PCDHGA1: variants seen among roughly 807,000 people sequenced by gnomAD.
The protein encoded by PCDHGA1 is protocadherin gamma-A1.
Under a neutral mutation model 58.0 loss-of-function variants are expected in PCDHGA1, and 32 were observed. The observed-to-expected ratio is 0.55, with a 90% CI of 0.42 to 0.74. PCDHGA1 has a LOEUF of 0.74. Ranked by LOEUF, PCDHGA1 falls within the 30% of genes least tolerant of loss-of-function variation. The pLI, the probability that PCDHGA1 is intolerant of heterozygous loss-of-function variation, is 0.00. For synonymous variants in PCDHGA1, 498 were observed against 501.1 expected, an observed-to-expected ratio of 0.99 and a Z score of 0.08; for missense variants, 1,205 against 1,182.3, an observed-to-expected ratio of 1.02 and a Z score of -0.28.
At chr5:141,479,063 A>G (rs1476826751) in intron 1 of PCDHGA1, among the ~76,000 whole-genome samples, 1 of 152,204 alleles carries the variant, frequency 6.6e-6, no homozygotes, top group African/African-American at 2.4e-5. Context: ...ATAATTTTTT[A>G]TGAATGAAAT....
intron 1 of PCDHGA1, chr5:141,371,970 C>A: frequency 6.2e-7 from 1 of 1,613,250 alleles, no homozygotes; most frequent in Non-Finnish European, 8.5e-7. Context: ...CGAGCAGCTG[C>A]GTGCCTTCGA....
At chr5:141,403,420 A>G in intron 1 of PCDHGA1, 1 of 1,614,050 alleles carries the variant, frequency 6.2e-7, no homozygotes, top group African/African-American at 1.3e-5. Flanking sequence ...CACTTCCAGA[A>G]GCTATTGATC....
At chr5:141,345,599 C>T (rs1364099035) in intron 1 of PCDHGA1, 1 of 1,614,080 alleles carries the variant, frequency 6.2e-7, no homozygotes, top group Non-Finnish European at 8.5e-7. Flanking sequence ...CCTTCGACTA[C>T]GAGCAATTTA....
chr5:141,501,425 G>A (rs1444899306), intron 2 of PCDHGA1, among the ~76,000 whole-genome samples: 1 of 151,726 alleles, frequency 6.6e-6, no homozygotes, highest in Non-Finnish European at 1.5e-5. Flanking sequence ...TTGACTAAAT[G>A]TAGTCCATTT....
At chr5:141,344,963 G>A in intron 1 of PCDHGA1, 1 of 1,613,706 alleles carries the variant, frequency 6.2e-7, no homozygotes, top group Non-Finnish European at 8.5e-7. Flanking sequence ...TAGATTATGA[G>A]GATGCCATGT....
In PCDHGA1 at chr5:141,340,109, G is replaced by T. The variant is rs149474643; in HGVS notation, c.2421+7004G>T. 34 of 1,613,938 alleles carry T rather than the reference G, an allele frequency of 2.1e-5. No individual in the cohort carries two copies. The South Asian group carries it at 3.4e-4, about 16-fold the overall frequency. ...ACATGATAGAGACTCTGGGCAGAAC[G>T]CATTCACCACCTGTTCACTCCCCGA... On this transcript the variant is annotated intron_variant, in intron 1 of 3. Transcript: ENST00000517417.
At chr5:141,385,142 C>T (rs1420566063) in intron 1 of PCDHGA1, 2 of 1,614,210 alleles carry the variant, frequency 1.2e-6, no homozygotes, top group Non-Finnish European at 1.7e-6. Flanking sequence ...GGGGTGCAGG[C>T]TTTCCTGCAG....
chr5:141,414,533 C>T, intron 1 of PCDHGA1: 1 of 1,613,960 alleles, frequency 6.2e-7, no homozygotes, highest in Non-Finnish European at 8.5e-7. Flanking sequence ...AATGACAACC[C>T]ACCTACCTTC....
At chr5:141,361,594 G>A in intron 1 of PCDHGA1, 1 of 1,614,056 alleles carries the variant, frequency 6.2e-7, no homozygotes, top group East Asian at 2.2e-5. Flanking sequence ...CAGTGGCCAA[G>A]TTTCCTACTC....
chr5:141,418,848 G>T (rs770294020), intron 1 of PCDHGA1: 1 of 1,613,954 alleles, frequency 6.2e-7, no homozygotes, highest in Non-Finnish European at 8.5e-7. Flanking sequence ...CTCTCAACAC[G>T]GTGTAAAGTA....
Position 141,332,367 on chromosome 5 carries a change from G to C in PCDHGA1, c.1683G>C (p.Glu561Asp). 6.2e-7 allele frequency: 1 copy of C among 1,614,210 alleles called. No homozygotes were observed. Among genetic ancestry groups the C allele is most frequent in the Middle Eastern group, 1.6e-4 (1 of 6,062 alleles). Residue 561 changes from glutamate (E) to aspartate (D), a missense_variant, in exon 1 of 4, where the codon GAG becomes GAC. By Grantham distance (45) the Glu-to-Asp change is conservative. Coordinates refer to ENST00000517417, the MANE Select transcript of PCDHGA1 (RefSeq NM_018912.3). This position sits in a 1 kb window ranked among gnomAD's most constrained non-coding sequence, Gnocchi z 4.6. ...TGGACCAGAACGACAACGCGCCCGAGATCCTGTACCCCGCCCTCCCCACAG... is the reference window on the plus strand; with the variant it reads ...TGGACCAGAACGACAACGCGCCCGACATCCTGTACCCCGCCCTCCCCACAG... ...FLLDQNDNAP[E>D]ILYPALPTDG...
intron 1 of PCDHGA1, 106 bp from the exon 2 acceptor site, chr5:141,494,701 C>T: frequency 6.3e-7 from 1 of 1,594,596 alleles, no homozygotes; most frequent in Admixed American, 1.7e-5. Flanking sequence ...CCGTTTTCTT[C>T]TCTGTGCCCA....
In PCDHGA1 at chr5:141,487,519, T is replaced by C. The variant is rs1288070159; in HGVS notation, c.2422-7288T>C. The C allele has an allele frequency of 6.2e-7, 1 of 1,614,046 alleles. No individual in the cohort carries two copies. ...CCTTGGCTTCTGCACCCACTCGGAG[T>C]GATAGCTTCATGATGGTGAAGTCAC... On this transcript the variant is annotated intron_variant, in intron 1 of 3. Transcript: ENST00000517417. The surrounding 1 kb of genome is among the most constrained non-coding windows in gnomAD (Gnocchi z 5.0).
At chr5:141,421,474 G>T (rs1320526226) in intron 1 of PCDHGA1, 3 of 1,614,014 alleles carry the variant, frequency 1.9e-6, no homozygotes, top group African/African-American at 2.7e-5. Flanking sequence ...TCCGCGAAGC[G>T]GCAGCTTGAT....
chr5:141,345,383 C>A (rs763946038), intron 1 of PCDHGA1: 7 of 1,614,114 alleles, frequency 4.3e-6, no homozygotes, highest in Non-Finnish European at 5.1e-6. Flanking sequence ...ACAACCCACC[C>A]ACCTTCCCTC....
rs2149712424 is a variant in PCDHGA1 at position 141,330,603 on chromosome 5, A to C, written c.-82A>C. ...GACTCTCCAGTCAGAATTCTCCTGAAAATTGGGTTAATTTCAGCTCAGAAA... is the reference window on the plus strand; with the variant it reads ...GACTCTCCAGTCAGAATTCTCCTGACAATTGGGTTAATTTCAGCTCAGAAA... On this transcript the variant is annotated 5_prime_UTR_variant, in exon 1 of 4. Transcript: ENST00000517417. 1 of 1,434,342 alleles carries C rather than the reference A, an allele frequency of 7.0e-7. No individual in the cohort carries two copies. The highest frequency in any genetic ancestry group is 1.4e-5 in the South Asian group (1 of 70,790). The allele number at this position is 1,434,342 out of a possible 1,614,324, so 88.9% of individuals were successfully genotyped here. A position where few individuals can be genotyped will look rare whatever the true frequency, so the allele number is the denominator to read the frequency against.
intron 1 of PCDHGA1, chr5:141,362,326 C>T: frequency 6.2e-7 from 1 of 1,614,070 alleles, no homozygotes; most frequent in African/African-American, 1.3e-5. Flanking sequence ...TCAGCCTGGT[C>T]TCAGCTCCAA....
At chr5:141,356,829 C>T in intron 1 of PCDHGA1, 2 of 1,614,168 alleles carry the variant, frequency 1.2e-6, no homozygotes, top group Non-Finnish European at 1.7e-6. Context: ...CTCCACTCAG[C>T]AGCAATGTGT....
At chr5:141,499,557 C>G (rs972965979) in intron 2 of PCDHGA1, among the ~76,000 whole-genome samples, 1 of 152,192 alleles carries the variant, frequency 6.6e-6, no homozygotes, top group African/African-American at 2.4e-5. Context: ...TATGATACCA[C>G]TATCCAGCTT....
Sources: allele counts gnomAD v4.1 joint callset (sites outside exome capture counted in the v4.1 genomes callset), GRCh38; gene constraint gnomAD v4.1.1; non-coding constraint Gnocchi (gnomAD v3.1); transcripts MANE v1.5; gene names NCBI Gene and HGNC (gene_info 2026-07-23, HGNC 2026-07-21).